SWAP70: variants seen among roughly 807,000 people sequenced by gnomAD.
SWAP70 encodes the protein switch-associated protein 70.
In SWAP70, 34 loss-of-function variants were observed where a neutral mutation model predicts 80.2. The ratio of observed to expected loss-of-function variants is 0.42; its 90% CI spans 0.32 to 0.56. The LOEUF (loss-of-function observed/expected upper bound fraction) is 0.56. SWAP70 is among the 20% of genes least tolerant of loss of function. The pLI, the probability that SWAP70 is intolerant of heterozygous loss-of-function variation, is 0.09. For missense variants in SWAP70, 578 were observed against 690.7 expected (o/e 0.84, Z 1.83); for synonymous variants, 239 against 238.5 (o/e 1.00, Z -0.02).
chr11:9,672,381 T>G (rs953392390), intron 1 of SWAP70, among the ~76,000 whole-genome samples: 2 of 151,130 alleles, frequency 1.3e-5, no homozygotes, highest in Non-Finnish European at 2.9e-5. Context: ...TTTATTTATT[T>G]TGAGACAGGG....
intron 2 of SWAP70, among the ~76,000 whole-genome samples, chr11:9,710,538 T>G (rs1280250821): frequency 6.6e-5 from 10 of 152,152 alleles, no homozygotes; most frequent in African/African-American, 2.4e-4. Flanking sequence ...GGTGACTTTT[T>G]TCATATAGTG....
At chr11:9,726,512 T>C (rs552475215) in intron 4 of SWAP70, among the ~76,000 whole-genome samples, 29 of 152,322 alleles carry the variant, frequency 1.9e-4, no homozygotes, top group African/African-American at 6.5e-4. Flanking sequence ...ATTCTCAGCC[T>C]CTTAGGATGG....
intron 1 of SWAP70, among the ~76,000 whole-genome samples, chr11:9,687,682 A>G (rs1850649311): frequency 1.3e-5 from 2 of 152,172 alleles, no homozygotes; most frequent in Non-Finnish European, 2.9e-5. Context: ...CAGCATTCCA[A>G]CAGATGACTT....
intron 1 of SWAP70, among the ~76,000 whole-genome samples, chr11:9,672,195 C>CTATATATATATATATATATA (rs57590750): frequency 3.8e-5 from 3 of 78,436 alleles, no homozygotes; most frequent in Non-Finnish European, 7.0e-5. Context: ...ATGTGTGTGT[C>CTATATATATATATATATATA]TATATATATA....
intron 1 of SWAP70, among the ~76,000 whole-genome samples, chr11:9,680,216 C>T (rs569195215): frequency 6.6e-6 from 1 of 152,250 alleles, no homozygotes; most frequent in South Asian, 2.1e-4. Flanking sequence ...GAAATGACCA[C>T]AATGACGCAA....
intron 1 of SWAP70, among the ~76,000 whole-genome samples, chr11:9,669,128 C>T (rs1850343623): frequency 1.3e-5 from 2 of 152,136 alleles, no homozygotes; most frequent in African/African-American, 2.4e-5. Context: ...AAGGAAGAAG[C>T]GATTTCTTCT....
intron 1 of SWAP70, among the ~76,000 whole-genome samples, chr11:9,689,889 G>A (rs1446524689): frequency 6.6e-6 from 1 of 152,152 alleles, no homozygotes; most frequent in Non-Finnish European, 1.5e-5. Flanking sequence ...GGGTGGGGCT[G>A]GGGTAGCACC....
At chr11:9,708,141 CT>C (rs2134467742) in intron 2 of SWAP70, among the ~76,000 whole-genome samples, 1 of 152,240 alleles carries the variant, frequency 6.6e-6, no homozygotes, top group South Asian at 2.1e-4. Flanking sequence ...GTTTGCAGGT[CT>C]TTTGGATATA....
intron 3 of SWAP70, among the ~76,000 whole-genome samples, chr11:9,721,977 A>G (rs1278929033): frequency 6.6e-6 from 1 of 152,232 alleles, no homozygotes; most frequent in East Asian, 1.9e-4. Context: ...TTGTCAAAAT[A>G]ATTACATAAT....
chr11:9,667,023 A>T (rs1850315592), intron 1 of SWAP70, among the ~76,000 whole-genome samples: 1 of 151,700 alleles, frequency 6.6e-6, no homozygotes, highest in Non-Finnish European at 1.5e-5. Flanking sequence ...ATGCCTGACT[A>T]ATTTTTTTGT....
In SWAP70 at chr11:9,729,404, T is replaced by C; in HGVS notation, c.851T>C (p.Phe284Ser). The C allele has an allele frequency of 6.2e-7, 1 of 1,613,942 alleles. No homozygotes were observed. The highest frequency in any genetic ancestry group is 8.5e-7 in the Non-Finnish European group (1 of 1,179,856). Residue 284 changes from phenylalanine to serine, a missense_variant, in exon 6 of 12, where the codon TTT becomes TCT. Transcript: ENST00000318950. ...LFLVKCFDKTFEISASDKKKK... is the reference protein window; with the variant it reads ...LFLVKCFDKTSEISASDKKKK... ...CTCGTAAAATGTTTTGATAAGACTTTTGAAATCAGTGCTTCAGATAAGAAG... is the reference window on the plus strand; with the variant it reads ...CTCGTAAAATGTTTTGATAAGACTTCTGAAATCAGTGCTTCAGATAAGAAG...
At chr11:9,701,844 C>G (rs1207531284) in intron 2 of SWAP70, among the ~76,000 whole-genome samples, 1 of 152,068 alleles carries the variant, frequency 6.6e-6, no homozygotes, top group Non-Finnish European at 1.5e-5. Flanking sequence ...TTAAGGCAGT[C>G]TAATTCTTCC....
chr11:9,691,777 A>G (rs1453869437), intron 1 of SWAP70, among the ~76,000 whole-genome samples: 1 of 152,204 alleles, frequency 6.6e-6, no homozygotes, highest in Non-Finnish European at 1.5e-5. Flanking sequence ...GGATGACAAT[A>G]TGACATCCAA....
chr11:9,694,300 C>G lies in SWAP70; in HGVS notation c.240+14C>G. 3 of 1,603,718 alleles carry G rather than the reference C, an allele frequency of 1.9e-6. No individual in the cohort carries two copies. The highest frequency in any genetic ancestry group is 2.6e-6 in the Non-Finnish European group (3 of 1,175,174). On this transcript the variant is annotated intron_variant, in intron 2 of 11. Coordinates refer to ENST00000318950, the MANE Select transcript of SWAP70 (RefSeq NM_015055.4). Reference sequence around the variant, plus strand: ...ATTTTGGAAAAGGTATGATTCTAACCTTTTTTTGGGTGTAGCATTGTTTGG... The same window carrying G: ...ATTTTGGAAAAGGTATGATTCTAACGTTTTTTTGGGTGTAGCATTGTTTGG...
At chr11:9,715,798 TGAGA>T (rs979382442) in intron 3 of SWAP70, among the ~76,000 whole-genome samples, 1 of 152,126 alleles carries the variant, frequency 6.6e-6, no homozygotes, top group Non-Finnish European at 1.5e-5. Context: ...GAATTCAAGG[TGAGA>T]TTTGGGTAGG....
chr11:9,672,193 G>GTATATATATATA (rs1427255406), intron 1 of SWAP70, among the ~76,000 whole-genome samples: 15 of 18,862 alleles, frequency 8.0e-4, no homozygotes, highest in Non-Finnish European at 1.4e-3. Context: ...ATATGTGTGT[G>GTATATATATATA]TCTATATATA....
chr11:9,727,819 T>G (rs1274945035), intron 4 of SWAP70, among the ~76,000 whole-genome samples: 1 of 152,192 alleles, frequency 6.6e-6, no homozygotes. Context: ...CATATCACTT[T>G]GGGGAGGGGT....
intron 1 of SWAP70, among the ~76,000 whole-genome samples, 158 bp from the exon 2 acceptor site, chr11:9,693,988 C>T (rs1850725146): frequency 6.6e-6 from 1 of 152,180 alleles, no homozygotes; most frequent in African/African-American, 2.4e-5. Context: ...TAACAGGTTA[C>T]AAGTAGGGGC....
intron 1 of SWAP70, among the ~76,000 whole-genome samples, chr11:9,676,570 G>A (rs746591821): frequency 1.3e-4 from 19 of 151,252 alleles, no homozygotes; most frequent in Non-Finnish European, 2.6e-4. Flanking sequence ...TATAAATGCT[G>A]TGTAAATAGT....
Sources: allele counts gnomAD v4.1 joint callset (sites outside exome capture counted in the v4.1 genomes callset), GRCh38; gene constraint gnomAD v4.1.1; transcripts MANE v1.5; gene names NCBI Gene and HGNC (gene_info 2026-07-23, HGNC 2026-07-21).